ACAD11: variants seen among roughly 807,000 people sequenced by gnomAD.
The protein encoded by ACAD11 is acyl-Coenzyme A dehydrogenase family, member 11.
Under a neutral mutation model 102.2 loss-of-function variants are expected in ACAD11, and 83 were observed. The ratio of observed to expected loss-of-function variants is 0.81; its 90% CI spans 0.68 to 0.97. The LOEUF is 0.97. Among genes scored for constraint, ACAD11 ranks in the 50% least tolerant of loss-of-function variants. ACAD11 has a pLI of 0.00. For synonymous variants in ACAD11, 324 were observed against 319.8 expected (o/e 1.01, Z -0.14); for missense variants, 901 against 951.7 (o/e 0.95, Z 0.70).
At chr3:132,583,053 T>A (rs1937634539) in intron 13 of ACAD11, among the ~76,000 whole-genome samples, 1 of 152,188 alleles carries the variant, frequency 6.6e-6, no homozygotes, top group African/African-American at 2.4e-5. Flanking sequence ...ATCAGGATGA[T>A]GCTGGCCTCA....
In ACAD11 at chr3:132,561,163, A is replaced by G. The variant is rs754633330; in HGVS notation, c.2056T>C (p.Leu686=). The change falls in exon 18 of 20, where the codon TTG becomes CTG. Residue 686 remains leucine (L), a synonymous_variant. Coordinates refer to ENST00000264990, the MANE Select transcript of ACAD11 (RefSeq NM_032169.5). The stretch of plus-strand genomic sequence containing the variant: ...CTGTGAGCAGCTTTCAGAGTCAACA[A>G]GCGGATCTTCTCAATGGCAATGCGG... The part of the protein sequence containing the change: ...ESRIAIEKIR[L]LTLKAAHSMD... 6.2e-7 allele frequency: 1 copy of G among 1,613,602 alleles called. No individual in the cohort carries two copies. Among genetic ancestry groups the G allele is most frequent in the Non-Finnish European group, 8.5e-7 (1 of 1,179,710 alleles).
chr3:132,579,285 A>G, intron 14 of ACAD11: 1 of 622,416 alleles, frequency 1.6e-6, no homozygotes, highest in Non-Finnish European at 2.7e-6. Flanking sequence ...AAAATTCCAC[A>G]GCGAAGAATG....
intron 7 of ACAD11, 44 bp downstream of exon 7, chr3:132,630,393 A>C (rs1390776048): frequency 1.2e-5 from 19 of 1,586,406 alleles, no homozygotes; most frequent in Non-Finnish European, 1.6e-5. Flanking sequence ...TCAACAGTAC[A>C]CTGGTAAATA....
chr3:132,565,588 TA>T (rs1429919347), intron 17 of ACAD11, among the ~76,000 whole-genome samples: 1 of 152,214 alleles, frequency 6.6e-6, no homozygotes, highest in Non-Finnish European at 1.5e-5. Flanking sequence ...AATTCAAAAT[TA>T]ATTTTTAAAA....
chr3:132,651,815 T>C (rs1442074513), intron 1 of ACAD11, among the ~76,000 whole-genome samples: 2 of 152,168 alleles, frequency 1.3e-5, no homozygotes, highest in East Asian at 3.8e-4. Flanking sequence ...TTTTGGACAA[T>C]TTCTCTCATT....
intron 17 of ACAD11, among the ~76,000 whole-genome samples, chr3:132,570,875 GT>G (rs1937355583): frequency 6.6e-6 from 1 of 152,148 alleles, no homozygotes; most frequent in Admixed American, 6.6e-5. Context: ...GTTCCATGGT[GT>G]TTCTGTACCA....
intron 1 of ACAD11, chr3:132,648,752 C>T (rs1169952656): frequency 6.6e-6 from 1 of 152,240 alleles, no homozygotes; most frequent in Non-Finnish European, 1.5e-5. Flanking sequence ...ACTGAACAGA[C>T]TCAGACCTTC....
chr3:132,586,235 G>A lies in ACAD11; in HGVS notation c.1622-6677C>T, dbSNP rs548434779. On this transcript the variant is annotated intron_variant, in intron 13 of 19. Coordinates refer to ENST00000264990, the MANE Select transcript of ACAD11 (RefSeq NM_032169.5). ...AAACCATCATTTTCAGCAAACTATCGCAAGGACAAAAAAGCAAACACCGCA... is the reference window on the plus strand; with the variant it reads ...AAACCATCATTTTCAGCAAACTATCACAAGGACAAAAAAGCAAACACCGCA... 3.0e-4 allele frequency among the ~76,000 whole-genome samples: 45 copies of A among 152,120 alleles called. No homozygotes were observed. In the East Asian group the frequency reaches 3.1e-3, roughly 10 times the overall value.
At chr3:132,613,306 A>C (rs1399941160) in intron 11 of ACAD11, among the ~76,000 whole-genome samples, 3 of 151,918 alleles carry the variant, frequency 2.0e-5, no homozygotes, top group Non-Finnish European at 4.4e-5. Context: ...CAGCACACCA[A>C]CATGGCACAT....
intron 11 of ACAD11, among the ~76,000 whole-genome samples, chr3:132,615,205 G>GA (rs1939355134): frequency 6.6e-6 from 1 of 152,162 alleles, no homozygotes; most frequent in Non-Finnish European, 1.5e-5. Flanking sequence ...GGAGAAATAG[G>GA]AAAGCTTTTA....
chr3:132,585,159 G>A (rs564830187), intron 13 of ACAD11, among the ~76,000 whole-genome samples: 2 of 152,216 alleles, frequency 1.3e-5, no homozygotes, highest in Non-Finnish European at 2.9e-5. Context: ...TAGACCAATG[G>A]AACAGAACAG....
chr3:132,634,129 A>C (rs893710704), intron 5 of ACAD11, among the ~76,000 whole-genome samples: 15 of 152,210 alleles, frequency 9.9e-5, no homozygotes, highest in African/African-American at 2.9e-4. Context: ...CAACCTACAA[A>C]ATGGGAGAAC....
At chr3:132,645,791 C>G (rs772024200) in intron 1 of ACAD11, 1 of 152,150 alleles carries the variant, frequency 6.6e-6, no homozygotes, top group Non-Finnish European at 1.5e-5. Flanking sequence ...ATAAATCAGA[C>G]CCATCCTCCC....
intron 14 of ACAD11, 132 bp downstream of exon 14, chr3:132,579,358 AAT>A: frequency 1.3e-6 from 1 of 746,300 alleles, no homozygotes; most frequent in Non-Finnish European, 2.1e-6. Flanking sequence ...GTGAAATACA[AAT>A]ATATGACATT....
chr3:132,641,782 T>C (rs1212974478), intron 4 of ACAD11, among the ~76,000 whole-genome samples, 190 bp downstream of exon 4: 1 of 152,038 alleles, frequency 6.6e-6, no homozygotes, highest in Non-Finnish European at 1.5e-5. Context: ...AAACAGAAGA[T>C]TTTGCTGAAC....
At chr3:132,583,395 T>C (rs1290762513) in intron 13 of ACAD11, among the ~76,000 whole-genome samples, 1 of 152,216 alleles carries the variant, frequency 6.6e-6, no homozygotes, top group Non-Finnish European at 1.5e-5. Flanking sequence ...TCGGTGGTGA[T>C]ATCCCCTTTA....
chr3:132,636,630 G>A (rs975202711), intron 5 of ACAD11, among the ~76,000 whole-genome samples: 1 of 152,112 alleles, frequency 6.6e-6, no homozygotes, highest in African/African-American at 2.4e-5. Context: ...TTTATAGCGG[G>A]TAAAATAAAG....
At chr3:132,652,120 T>C (rs1483002749) in intron 1 of ACAD11, among the ~76,000 whole-genome samples, 1 of 152,202 alleles carries the variant, frequency 6.6e-6, no homozygotes, top group Admixed American at 6.5e-5. Flanking sequence ...TAATTCCCAA[T>C]TCCCATGTAT....
intron 9 of ACAD11, among the ~76,000 whole-genome samples, chr3:132,625,635 G>A (rs1939780963): frequency 1.3e-5 from 2 of 152,068 alleles, no homozygotes; most frequent in Admixed American, 1.3e-4. Flanking sequence ...CCTATTCTGT[G>A]AGCAAAGTTA....
Sources: allele counts gnomAD v4.1 joint callset (sites outside exome capture counted in the v4.1 genomes callset), GRCh38; gene constraint gnomAD v4.1.1; transcripts MANE v1.5; gene names NCBI Gene and HGNC (gene_info 2026-07-23, HGNC 2026-07-21).